Variants in CCM2L observed in about 807,000 individuals in gnomAD.
The protein encoded by CCM2L is CCM2 like scaffold protein, also known as cerebral cavernous malformations 2 protein-like.
In CCM2L, 36 loss-of-function variants were observed where a neutral mutation model predicts 54.1. The ratio of observed to expected loss-of-function variants is 0.67; its 90% CI spans 0.51 to 0.88. The LOEUF is 0.88. Among genes scored for constraint, CCM2L ranks in the 40% least tolerant of loss-of-function variants. The pLI, the probability that CCM2L is intolerant of heterozygous loss-of-function variation, is 0.00. For missense variants in CCM2L, 700 were observed against 812.1 expected (o/e 0.86, Z 1.68); for synonymous variants, 351 against 359.3 (o/e 0.98, Z 0.26).
intron 5 of CCM2L, among the ~76,000 whole-genome samples, chr20:32,021,161 C>G (rs1366443970): frequency 6.6e-6 from 1 of 152,158 alleles, no homozygotes; most frequent in African/African-American, 2.4e-5. Context: ...TGTCACTACT[C>G]CACATCTTCC....
At chr20:32,030,696 G>T (rs769842969) in intron 9 of CCM2L, among the ~76,000 whole-genome samples, 5 of 151,726 alleles carry the variant, frequency 3.3e-5, no homozygotes, top group Non-Finnish European at 5.9e-5. Flanking sequence ...TTAGCAGGGC[G>T]TGGTGGTGTG....
chr20:32,011,370 C>T (rs1346748811), intron 1 of CCM2L, among the ~76,000 whole-genome samples: 3 of 152,108 alleles, frequency 2.0e-5, no homozygotes, highest in South Asian at 2.1e-4. Flanking sequence ...TTTGGGAGGC[C>T]GAGGCGGGTG....
chr20:32,029,608 A>C (rs759491408), intron 8 of CCM2L, 92 bp from the exon 9 acceptor site: 1 of 1,474,854 alleles, frequency 6.8e-7, no homozygotes, highest in Non-Finnish European at 9.1e-7. Context: ...AGCTGGACCA[A>C]ACATGCCCTT....
rs150332197 is a variant in CCM2L, at chr20:32,030,234, G to A, written c.1402+396G>A. Among the ~76,000 whole-genome samples the A allele has an allele frequency of 6.7e-3, 1,022 of 152,236 alleles. 5 individuals carry two copies. The highest frequency in any genetic ancestry group is 0.044 in the Middle Eastern group (13 of 294). On this transcript the variant is annotated intron_variant, in intron 9 of 9. Transcript: ENST00000452892. ...CGAATAAGCTGACATGTGCTTGGCA[G>A]TTACCCTGTGCCAAGCATCATCTCA...
In CCM2L at chr20:32,031,214, A is replaced by ACGACAT; in HGVS notation, c.1620_1625dup (p.Asp540_Ile541dup). On this transcript the variant is annotated inframe_insertion, in exon 10 of 10. Coordinates refer to ENST00000452892, the MANE Select transcript of CCM2L (RefSeq NM_001365692.1). Reference sequence around the variant, plus strand: ...CACCGGCTGCTGGCTGACATCACGCACGACATCGAGGCGCTGGCCCCCGAT... The same window carrying ACGACAT: ...CACCGGCTGCTGGCTGACATCACGCACGACATCGACATCGAGGCGCTGGCCCCCGAT... 1.5e-6 allele frequency: 2 copies of ACGACAT among 1,300,914 alleles called. No individual in the cohort carries two copies. The highest frequency in any genetic ancestry group is 2.0e-6 in the Non-Finnish European group (2 of 988,576). The allele number at this position is 1,300,914 out of a possible 1,614,324, so 80.6% of individuals were successfully genotyped here.
In CCM2L at chr20:32,029,577, A is replaced by G. The variant is rs1007585571; in HGVS notation, c.1264-123A>G. Reference sequence around the variant, plus strand: ...GATCTAGATGTCCTCTGAATAGCCCATGGGAAGGTTTTCAGAGGAGAGCTG... The same window carrying G: ...GATCTAGATGTCCTCTGAATAGCCCGTGGGAAGGTTTTCAGAGGAGAGCTG... On this transcript the variant is annotated intron_variant, in intron 8 of 9. Coordinates refer to ENST00000452892, the MANE Select transcript of CCM2L (RefSeq NM_001365692.1). 2.2e-5 allele frequency: 28 copies of G among 1,261,230 alleles called. No homozygotes were observed. The African/African-American group carries it at 3.8e-4, about 17-fold the overall frequency. 78.1% of individuals were successfully genotyped at this position (1,261,230 alleles called of 1,614,324 possible).
intron 5 of CCM2L, 98 bp downstream of exon 5, chr20:32,019,507 C>G: frequency 3.6e-6 from 3 of 834,724 alleles, no homozygotes; most frequent in Non-Finnish European, 5.0e-6. Context: ...TTCCTAGGAT[C>G]TGCCCCTGCC....
intron 7 of CCM2L, chr20:32,028,736 A>T: frequency 2.0e-6 from 1 of 490,168 alleles, no homozygotes; most frequent in Non-Finnish European, 3.7e-6. Flanking sequence ...ATCCAGGCAG[A>T]GGGACCAGCA....
intron 1 of CCM2L, among the ~76,000 whole-genome samples, chr20:32,012,256 G>C (rs536124977): frequency 1.3e-5 from 2 of 152,180 alleles, no homozygotes; most frequent in South Asian, 4.1e-4. Context: ...CTGGGATGGG[G>C]TTCAAGAAAT....
intron 3 of CCM2L, 38 bp downstream of exon 3, chr20:32,017,921 C>G: frequency 6.2e-7 from 1 of 1,613,498 alleles, no homozygotes; most frequent in Non-Finnish European, 8.5e-7. Context: ...GGATCTCGCT[C>G]CCTTCTCCCT....
intron 3 of CCM2L, 45 bp downstream of exon 3, chr20:32,017,928 C>G (rs374016418): frequency 1.9e-4 from 307 of 1,613,434 alleles, no homozygotes; most frequent in Admixed American, 8.2e-4. Flanking sequence ...GCTCCCTTCT[C>G]CCTCTTCTAC....
intron 1 of CCM2L, among the ~76,000 whole-genome samples, chr20:32,011,615 A>C (rs1249078453): frequency 1.3e-5 from 2 of 152,044 alleles, no homozygotes; most frequent in Non-Finnish European, 2.9e-5. Context: ...TAAATACATA[A>C]ATAAAAATTT....
Position 32,014,989 on chromosome 20 carries a change from T to G in CCM2L, c.116T>G (p.Leu39Arg), listed in dbSNP as rs761054087. 1.3e-6 allele frequency: 2 copies of G among 1,583,896 alleles called. No individual in the cohort carries two copies. The highest frequency in any genetic ancestry group is 2.8e-5 in the African/African-American group (2 of 72,458). ...ACRSSVSRRP[L>R]HSMPLYPPDY... Reference sequence around the variant, plus strand: ...AGGAGCAGCGTGAGCCGCCGGCCCCTGCACTCGATGCCCCTTTATCCCCCC... The same window carrying G: ...AGGAGCAGCGTGAGCCGCCGGCCCCGGCACTCGATGCCCCTTTATCCCCCC... Residue 39 changes from leucine to arginine, a missense_variant, in exon 2 of 10, where the codon CTG becomes CGG. Transcript: ENST00000452892.
chr20:32,019,426 C>A lies in CCM2L; in HGVS notation c.933+17C>A. The A allele has an allele frequency of 6.7e-7, 1 of 1,484,324 alleles. No homozygotes were observed. The highest frequency in any genetic ancestry group is 8.9e-7 in the Non-Finnish European group (1 of 1,122,530). 91.9% of individuals were successfully genotyped at this position (1,484,324 alleles called of 1,614,324 possible). A position where few individuals can be genotyped will look rare whatever the true frequency, so the allele number is the denominator to read the frequency against. ...GCCAACAGGGTGAGCCCGAGGGCAGCCTGCTCCCAAAGCCCGGCTTCGGGA... is the reference window on the plus strand; with the variant it reads ...GCCAACAGGGTGAGCCCGAGGGCAGACTGCTCCCAAAGCCCGGCTTCGGGA... On this transcript the variant is annotated intron_variant, in intron 5 of 9. Coordinates refer to ENST00000452892, the MANE Select transcript of CCM2L (RefSeq NM_001365692.1).
Position 32,019,069 on chromosome 20 carries a change from T to C in CCM2L, c.593T>C (p.Ile198Thr). Residue 198 changes from isoleucine to threonine, a missense_variant, in exon 5 of 10, where the codon ATC becomes ACC. Ile to Thr is a moderately conservative substitution (Grantham distance 89). Transcript: ENST00000452892. ...RVGTAERRHT[I>T]CSLDWRMGWG... Reference sequence around the variant, plus strand: ...GGCACCGCGGAGCGGCGCCACACCATCTGCAGCCTGGACTGGCGGATGGGG... The same window carrying C: ...GGCACCGCGGAGCGGCGCCACACCACCTGCAGCCTGGACTGGCGGATGGGG... The C allele has an allele frequency of 1.6e-6, 2 of 1,242,718 alleles. No individual in the cohort carries two copies. Among genetic ancestry groups the C allele is most frequent in the Admixed American group, 4.4e-5 (1 of 22,768 alleles). 77.0% of individuals were successfully genotyped at this position (1,242,718 alleles called of 1,614,324 possible).
At chr20:32,011,564 A>C (rs1380318531) in intron 1 of CCM2L, among the ~76,000 whole-genome samples, 1 of 152,222 alleles carries the variant, frequency 6.6e-6, no homozygotes, top group African/African-American at 2.4e-5. Flanking sequence ...ACTGCACTCC[A>C]GCCTGGGTGA....
intron 4 of CCM2L, 52 bp from the exon 5 acceptor site, chr20:32,018,891 G>C: frequency 1.6e-6 from 2 of 1,250,894 alleles, no homozygotes; most frequent in Non-Finnish European, 2.0e-6. Context: ...GCGGGGCGGG[G>C]GGGTCTCTGA....
intron 1 of CCM2L, 76 bp downstream of exon 1, chr20:32,010,560 T>TGGGGGCCAAGGGGGGGGGGGGG: frequency 1.9e-5 from 2 of 105,748 alleles, no homozygotes; most frequent in Non-Finnish European, 3.6e-5. Context: ...TGGGGCGGGG[T>TGGGGGCCAAGGGGGGGGGGGGG]GGGGGGTCGG....
Position 32,031,621 on chromosome 20 carries a change from A to C in CCM2L, c.*307A>C. On this transcript the variant is annotated 3_prime_UTR_variant, in exon 10 of 10. Coordinates refer to ENST00000452892, the MANE Select transcript of CCM2L (RefSeq NM_001365692.1). ...TCCAGAGGGATCAGCCCCAGAACAC[A>C]CCCTCCTCCCCGGGACGCCGCAGCT... 1 of 172,850 alleles carries C rather than the reference A, an allele frequency of 5.8e-6. No individual in the cohort carries two copies. Among genetic ancestry groups the C allele is most frequent in the Non-Finnish European group, 1.2e-5 (1 of 80,354 alleles). The allele number at this position is 172,850 out of a possible 1,614,324, so 10.7% of individuals were successfully genotyped here.
Sources: allele counts gnomAD v4.1 joint callset (sites outside exome capture counted in the v4.1 genomes callset), GRCh38; gene constraint gnomAD v4.1.1; transcripts MANE v1.5; gene names NCBI Gene and HGNC (gene_info 2026-07-23, HGNC 2026-07-21).